The following BCCIP variants were observed in gnomAD, a reference collection of about 807,000 sequenced individuals.
The protein encoded by BCCIP is BRCA2 and CDKN1A interacting protein.
A neutral mutation model predicts 32.8 loss-of-function variants in BCCIP; 23 were observed. The observed-to-expected ratio is 0.70, with a 90% CI of 0.51 to 0.99. The LOEUF (loss-of-function observed/expected upper bound fraction) is 0.99, where lower values mean the gene tolerates loss of function less well. Among genes scored for constraint, BCCIP ranks in the 50% least tolerant of loss-of-function variants. The probability of loss-of-function intolerance (pLI) is 0.00; values close to 1 mark genes in which losing one functional copy is unlikely to be tolerated. For missense variants in BCCIP, 378 were observed against 379.8 expected, an observed-to-expected ratio of 1.00 and a Z score of 0.04; for synonymous variants, 144 against 137.6, an observed-to-expected ratio of 1.05 and a Z score of -0.33.
rs536970071 is a variant in BCCIP at position 125,848,157 on chromosome 10, A to G, written c.851-4968A>G. ...TTGGGCATTGTGTAAAAGAGTCCAC[A>G]GGGGGAGAAACTGAAGAATGAAGAG... On this transcript the variant is annotated intron_variant, in intron 7 of 7. Transcript: ENST00000368759. Among the ~76,000 whole-genome samples the G allele has an allele frequency of 1.3e-3, 194 of 152,314 alleles. 1 individual carries two copies. Among genetic ancestry groups the G allele is most frequent in the African/African-American group, 4.5e-3 (186 of 41,560 alleles).
At chr10:125,852,230 A>G in intron 7 of BCCIP, 1 of 1,582,468 alleles carries the variant, frequency 6.3e-7, no homozygotes, top group South Asian at 1.1e-5. Context: ...CTCAGGACAG[A>G]GAATGGGCAG....
chr10:125,838,958 A>T (rs1360222346), downstream of BCCIP: 1 of 1,571,496 alleles, frequency 6.4e-7, no homozygotes, highest in African/African-American at 1.4e-5. Flanking sequence ...GAGTATGTGC[A>T]ATTCAGCAGA....
chr10:125,852,313 C>T (rs1468029868), intron 7 of BCCIP: 1 of 1,614,014 alleles, frequency 6.2e-7, no homozygotes, highest in Non-Finnish European at 8.5e-7. Flanking sequence ...CATGAAGTCA[C>T]AGTGGCCTAG....
At chr10:125,847,149 C>T (rs140291654), downstream of BCCIP, among the ~76,000 whole-genome samples, 105 of 151,712 alleles carry the variant, frequency 6.9e-4, no homozygotes, top group South Asian at 9.9e-3. Flanking sequence ...AGAAAACACC[C>T]ATTGTATGGT....
chr10:125,826,414 C>A, intron 1 of BCCIP, 177 bp from the exon 2 acceptor site: 1 of 941,104 alleles, frequency 1.1e-6, no homozygotes, highest in Non-Finnish European at 1.5e-6. Context: ...ACTTTCTCAA[C>A]ATTTAAACTA....
chr10:125,834,394 G>A (rs923363813), intron 6 of BCCIP, among the ~76,000 whole-genome samples: 2 of 152,118 alleles, frequency 1.3e-5, no homozygotes, highest in African/African-American at 4.8e-5. Flanking sequence ...GTCCTTAGTC[G>A]TGGATGTCAT....
At chr10:125,827,411 T>G in intron 2 of BCCIP, 147 bp from the exon 3 acceptor site, 1 of 533,824 alleles carries the variant, frequency 1.9e-6, no homozygotes, top group South Asian at 2.8e-5. Flanking sequence ...TTGACTCTCC[T>G]GGGCTTTTCT....
chr10:125,853,473 A>G (rs545635626), exon 8 of BCCIP: 7 of 258,414 alleles, frequency 2.7e-5, no homozygotes, highest in South Asian at 1.5e-4. Flanking sequence ...TGAAAATTTT[A>G]TCGTCAATTA....
chr10:125,835,130 C>T (rs1202255701), intron 6 of BCCIP, among the ~76,000 whole-genome samples: 1 of 150,694 alleles, frequency 6.6e-6, no homozygotes, highest in Non-Finnish European at 1.5e-5. Context: ...GAGACTCTGT[C>T]TCAGAAAAAA....
At chr10:125,829,938 G>A (rs1390630121) in intron 3 of BCCIP, among the ~76,000 whole-genome samples, 1 of 152,216 alleles carries the variant, frequency 6.6e-6, no homozygotes, top group African/African-American at 2.4e-5. Context: ...GAGACTTCTT[G>A]TTCTTAGTAA....
downstream of BCCIP, among the ~76,000 whole-genome samples, chr10:125,846,603 C>T (rs1002816728): frequency 1.3e-5 from 2 of 152,172 alleles, no homozygotes; most frequent in Non-Finnish European, 2.9e-5. Flanking sequence ...GAGATGCACA[C>T]GTAAATCAAG....
intron 6 of BCCIP, among the ~76,000 whole-genome samples, chr10:125,835,635 T>G (rs927309322): frequency 6.6e-6 from 1 of 151,758 alleles, no homozygotes; most frequent in African/African-American, 2.4e-5. Context: ...ACACCTCAGG[T>G]TGACCATTTG....
chr10:125,825,144 A>G (rs1280456547), intron 1 of BCCIP, among the ~76,000 whole-genome samples: 1 of 152,252 alleles, frequency 6.6e-6, no homozygotes, highest in African/African-American at 2.4e-5. Flanking sequence ...AATCTATCAC[A>G]CCACCACAGT....
At chr10:125,838,952 ATG>A (rs1259030310), downstream of BCCIP, 5 of 1,547,074 alleles carry the variant, frequency 3.2e-6, no homozygotes, top group Non-Finnish European at 4.4e-6. Flanking sequence ...TATCCTGAGT[ATG>A]TGCAATTCAG....
At chr10:125,831,152 ATCTT>A (rs1411409497) in intron 4 of BCCIP, among the ~76,000 whole-genome samples, 2 of 152,228 alleles carry the variant, frequency 1.3e-5, no homozygotes, top group African/African-American at 2.4e-5. Context: ...ACTTCCATCT[ATCTT>A]TATGAGATGG....
downstream of BCCIP, among the ~76,000 whole-genome samples, chr10:125,837,223 A>AT (rs1854720428): frequency 6.6e-6 from 1 of 152,110 alleles, no homozygotes; most frequent in Admixed American, 6.5e-5. Flanking sequence ...TTTGCTTCTT[A>AT]TTTTAACTAG....
chr10:125,838,047 A>G (rs1042786032), downstream of BCCIP, among the ~76,000 whole-genome samples: 2 of 152,244 alleles, frequency 1.3e-5, no homozygotes, highest in African/African-American at 4.8e-5. Context: ...TTTCTTAGGT[A>G]TCATCCACAG....
intron 4 of BCCIP, among the ~76,000 whole-genome samples, chr10:125,830,893 G>T (rs1319587769): frequency 2.0e-5 from 3 of 152,194 alleles, no homozygotes; most frequent in South Asian, 4.1e-4. Context: ...CCTGATGTTG[G>T]TACTGATGCA....
intron 7 of BCCIP, among the ~76,000 whole-genome samples, chr10:125,850,354 CTT>C (rs765077777): frequency 8.0e-5 from 10 of 124,550 alleles, no homozygotes; most frequent in Middle Eastern, 4.0e-3. Flanking sequence ...TTCTTTCTTT[CTT>C]TTTTTTTTTT....
Sources: allele counts gnomAD v4.1 joint callset (sites outside exome capture counted in the v4.1 genomes callset), GRCh38; gene constraint gnomAD v4.1.1; transcripts MANE v1.5; gene names NCBI Gene and HGNC (gene_info 2026-07-23, HGNC 2026-07-21).